Variants in CCBE1 observed in about 807,000 individuals in gnomAD.
CCBE1 encodes collagen and calcium binding EGF domains 1.
In CCBE1, 37 loss-of-function variants were observed where a neutral mutation model predicts 50.0. The observed-to-expected ratio is 0.74, with a 90% CI of 0.57 to 0.97. The LOEUF (loss-of-function observed/expected upper bound fraction) is 0.97. CCBE1 is among the 50% of genes least tolerant of loss of function. The probability of loss-of-function intolerance (pLI) is 0.00; values close to 1 mark genes in which losing one functional copy is unlikely to be tolerated. For missense variants in CCBE1, 538 were observed against 523.8 expected (o/e 1.03, Z -0.26); for synonymous variants, 234 against 203.7 (o/e 1.15, Z -1.27).
upstream of CCBE1, chr18:59,697,631 G>T (rs994394562): frequency 5.4e-5 from 22 of 409,048 alleles, no homozygotes; most frequent in African/African-American, 3.6e-4. Flanking sequence ...TCGTCGGGAC[G>T]TTCACGTCCG....
intron 2 of CCBE1, among the ~76,000 whole-genome samples, chr18:59,645,123 A>G (rs573499983): frequency 1.3e-5 from 2 of 152,068 alleles, no homozygotes; most frequent in South Asian, 4.1e-4. Flanking sequence ...GTGTGGTGGC[A>G]CACGCCTGTA....
intron 2 of CCBE1, among the ~76,000 whole-genome samples, chr18:59,536,204 C>A (rs917671679): frequency 6.6e-6 from 1 of 152,158 alleles, no homozygotes; most frequent in Non-Finnish European, 1.5e-5. Flanking sequence ...TTGATCAAAT[C>A]GATCTTTATG....
intron 2 of CCBE1, among the ~76,000 whole-genome samples, chr18:59,575,038 A>G (rs1038995382): frequency 2.1e-4 from 32 of 152,322 alleles, no homozygotes; most frequent in Non-Finnish European, 4.4e-4. Context: ...ATGTGAGGAT[A>G]AAGGCAGAGG....
chr18:59,653,770 CTT>C (rs1435355173), intron 2 of CCBE1, among the ~76,000 whole-genome samples: 2 of 152,218 alleles, frequency 1.3e-5, no homozygotes, highest in Non-Finnish European at 1.5e-5. Flanking sequence ...TTTCACTAGA[CTT>C]TTAATTCAAA....
At chr18:59,472,405 G>C (rs1912075087) in intron 3 of CCBE1, among the ~76,000 whole-genome samples, 1 of 152,116 alleles carries the variant, frequency 6.6e-6, no homozygotes, top group Non-Finnish European at 1.5e-5. Flanking sequence ...CTCTGTTTCT[G>C]GACAATTCAA....
chr18:59,585,482 A>C (rs2053165995), intron 2 of CCBE1, among the ~76,000 whole-genome samples: 1 of 152,202 alleles, frequency 6.6e-6, no homozygotes, highest in Non-Finnish European at 1.5e-5. Flanking sequence ...CATGTCCCAG[A>C]AACTCAGAAA....
At chr18:59,452,809 T>C (rs1373030019) in intron 6 of CCBE1, among the ~76,000 whole-genome samples, 2 of 152,182 alleles carry the variant, frequency 1.3e-5, no homozygotes, top group Admixed American at 1.3e-4. Context: ...AATAGGAACC[T>C]TTAGAAATAA....
intron 5 of CCBE1, chr18:59,465,609 A>G (rs1231147773): frequency 2.0e-5 from 3 of 152,232 alleles, no homozygotes; most frequent in Admixed American, 6.5e-5. Context: ...AAGATGTAAA[A>G]TGCAAGCATA....
At chr18:59,670,364 G>A (rs1324540700) in intron 2 of CCBE1, among the ~76,000 whole-genome samples, 1 of 152,170 alleles carries the variant, frequency 6.6e-6, no homozygotes, top group Non-Finnish European at 1.5e-5. Flanking sequence ...TTCAAGGTGG[G>A]AGAAGGAATA....
intron 5 of CCBE1, 58 bp downstream of exon 5, chr18:59,466,681 A>G (rs541819176): frequency 1.7e-6 from 2 of 1,207,940 alleles, no homozygotes; most frequent in Non-Finnish European, 2.3e-6. Context: ...CAAACTGGTT[A>G]TATATATAAT....
At chr18:59,685,253 A>T (rs1327079086) in intron 2 of CCBE1, among the ~76,000 whole-genome samples, 3 of 152,288 alleles carry the variant, frequency 2.0e-5, no homozygotes, top group African/African-American at 7.2e-5. Context: ...GGCTCAGCTT[A>T]AGAAACCAAG....
chr18:59,492,375 G>A (rs2143810704), intron 2 of CCBE1, among the ~76,000 whole-genome samples: 1 of 151,970 alleles, frequency 6.6e-6, no homozygotes, highest in East Asian at 1.9e-4. Flanking sequence ...AATTACAGCT[G>A]GGCACATAAC....
At chr18:59,645,798 A>G (rs552915352) in intron 2 of CCBE1, among the ~76,000 whole-genome samples, 35 of 152,258 alleles carry the variant, frequency 2.3e-4, no homozygotes, top group Middle Eastern at 3.4e-3. Context: ...TTGGGAGGCC[A>G]AGGTGGGCGG....
chr18:59,513,721 G>T (rs573367542), intron 2 of CCBE1, among the ~76,000 whole-genome samples: 1 of 152,218 alleles, frequency 6.6e-6, no homozygotes, highest in East Asian at 1.9e-4. Context: ...AAACGGGGAC[G>T]GGCCTGGCAA....
chr18:59,556,607 GA>G (rs1160717650), intron 2 of CCBE1, among the ~76,000 whole-genome samples: 2 of 152,092 alleles, frequency 1.3e-5, no homozygotes, highest in Non-Finnish European at 2.9e-5. Flanking sequence ...CTGTGTGACC[GA>G]ATTTAATTAA....
At chr18:59,591,084 A>G (rs2053259607) in intron 2 of CCBE1, among the ~76,000 whole-genome samples, 1 of 87,052 alleles carries the variant, frequency 1.1e-5, no homozygotes. Context: ...CTCTACTAAA[A>G]ATACAAAAAA....
intron 2 of CCBE1, among the ~76,000 whole-genome samples, chr18:59,561,987 C>T (rs542843101): frequency 2.0e-5 from 3 of 152,316 alleles, no homozygotes; most frequent in East Asian, 1.9e-4. Flanking sequence ...ACCCTCTCCC[C>T]TCAGACTTCA....
chr18:59,595,270 T>A (rs186776787), intron 2 of CCBE1, among the ~76,000 whole-genome samples: 75 of 151,802 alleles, frequency 4.9e-4, no homozygotes, highest in African/African-American at 1.7e-3. Flanking sequence ...CCCCAGACAA[T>A]TTTGTAAGCT....
intron 2 of CCBE1, among the ~76,000 whole-genome samples, chr18:59,692,953 AAAGC>A (rs1333774570): frequency 3.2e-5 from 3 of 94,546 alleles, no homozygotes; most frequent in Admixed American, 1.2e-4. Context: ...TTGTCAAGCC[AAAGC>A]ACACACACAC....
Sources: gnomAD v4.1 joint callset for allele counts (sites outside exome capture counted in the v4.1 genomes callset) on GRCh38, gnomAD v4.1.1 for gene constraint, MANE v1.5 for transcripts, NCBI Gene and HGNC (gene_info 2026-07-23, HGNC 2026-07-21) for gene names.